The following ZFAND3 variants were observed in gnomAD, a reference collection of about 807,000 sequenced individuals.
ZFAND3 encodes the protein zinc finger AN1-type containing 3, also known as AN1-type zinc finger protein 3.
Under a neutral mutation model 29.6 loss-of-function variants are expected in ZFAND3, and 10 were observed. The observed-to-expected ratio is 0.34, with a 90% CI of 0.21 to 0.57. ZFAND3 has a LOEUF of 0.57. ZFAND3 is among the 20% of genes least tolerant of loss of function. The pLI is 0.86. For missense variants in ZFAND3, 230 were observed against 304.5 expected (o/e 0.76, Z 1.82); for synonymous variants, 128 against 112.6 (o/e 1.14, Z -0.87).
At chr6:38,077,961 A>G (rs1289122652) in intron 3 of ZFAND3, among the ~76,000 whole-genome samples, 4 of 152,184 alleles carry the variant, frequency 2.6e-5, no homozygotes, top group South Asian at 2.1e-4. Context: ...CTGGAAAAAT[A>G]TAAGAATTCT....
intron 2 of ZFAND3, among the ~76,000 whole-genome samples, chr6:37,988,879 A>G (rs1175395484): frequency 1.3e-5 from 2 of 151,534 alleles, no homozygotes; most frequent in Non-Finnish European, 2.9e-5. Context: ...TTAAGGGTCT[A>G]GTTTTATTCA....
At chr6:38,116,545 G>A in intron 4 of ZFAND3, 27 bp from the exon 5 acceptor site, 1 of 1,590,982 alleles carries the variant, frequency 6.3e-7, no homozygotes, top group Non-Finnish European at 8.6e-7. Context: ...CACTAATCCT[G>A]ATCCCCAAAT....
chr6:38,125,472 G>A (rs1241562314), intron 5 of ZFAND3, among the ~76,000 whole-genome samples: 1 of 152,166 alleles, frequency 6.6e-6, no homozygotes, highest in East Asian at 1.9e-4. Flanking sequence ...GAGTATCAAA[G>A]ACTGAGCTCT....
At chr6:37,871,544 T>A (rs1337111294) in intron 1 of ZFAND3, among the ~76,000 whole-genome samples, 2 of 152,192 alleles carry the variant, frequency 1.3e-5, no homozygotes, top group African/African-American at 2.4e-5. Context: ...TTGGCAGAAT[T>A]TACATAAGGT....
At position 38,100,063 on chromosome 6, in the gene ZFAND3, T is replaced by C. The variant is rs538554273; in HGVS notation, c.362-16509T>C. ...CTGTTGATAAACCTATTTCTTTTTT[T>C]CTTTTTTTTTTTAAGACGGAGTCTC... On this transcript the variant is annotated intron_variant, in intron 4 of 5. Coordinates refer to ENST00000287218, the MANE Select transcript of ZFAND3 (RefSeq NM_021943.3). 3.9e-5 allele frequency among the ~76,000 whole-genome samples: 6 copies of C among 152,196 alleles called. No homozygotes were observed. In the South Asian group the frequency reaches 1.0e-3, roughly 26 times the overall value.
At chr6:38,081,054 T>C (rs906145520) in intron 3 of ZFAND3, among the ~76,000 whole-genome samples, 1 of 152,204 alleles carries the variant, frequency 6.6e-6, no homozygotes, top group Non-Finnish European at 1.5e-5. Flanking sequence ...CCTCATTACA[T>C]ATAGCCTTTA....
intron 1 of ZFAND3, among the ~76,000 whole-genome samples, chr6:37,855,275 G>C (rs1764361565): frequency 6.6e-6 from 1 of 150,792 alleles, no homozygotes; most frequent in African/African-American, 2.4e-5. Flanking sequence ...CTCCCGAGTA[G>C]CTGGGATGAC....
intron 2 of ZFAND3, among the ~76,000 whole-genome samples, chr6:37,999,818 A>C (rs1024268746): frequency 4.6e-5 from 7 of 152,156 alleles, no homozygotes; most frequent in African/African-American, 1.7e-4. Flanking sequence ...AACTAAGGAA[A>C]TCTGAGCAAG....
chr6:38,056,563 G>C (rs1445385694), intron 2 of ZFAND3, among the ~76,000 whole-genome samples: 2 of 152,132 alleles, frequency 1.3e-5, no homozygotes, highest in Non-Finnish European at 2.9e-5. Context: ...TAGTTCTAGA[G>C]AGACTGCCCA....
chr6:38,056,048 T>C (rs940101975), intron 2 of ZFAND3, among the ~76,000 whole-genome samples: 20 of 152,214 alleles, frequency 1.3e-4, no homozygotes, highest in African/African-American at 4.6e-4. Flanking sequence ...GCTGTGCCAA[T>C]AGAATTTGAT....
chr6:38,010,528 T>C (rs1763130687), intron 2 of ZFAND3, among the ~76,000 whole-genome samples: 1 of 152,156 alleles, frequency 6.6e-6, no homozygotes, highest in Non-Finnish European at 1.5e-5. Flanking sequence ...TGTTAAGTCT[T>C]TTCATGCCCT....
At chr6:37,887,791 A>G (rs1332522258) in intron 1 of ZFAND3, among the ~76,000 whole-genome samples, 1 of 152,202 alleles carries the variant, frequency 6.6e-6, no homozygotes, top group Non-Finnish European at 1.5e-5. Context: ...TTTCTGGCCA[A>G]GTTCTCTTAG....
chr6:38,075,553 C>T (rs191916230), intron 3 of ZFAND3, among the ~76,000 whole-genome samples: 13 of 152,272 alleles, frequency 8.5e-5, no homozygotes, highest in Non-Finnish European at 1.6e-4. Flanking sequence ...GAATCTACTC[C>T]TGGTGAAGAT....
chr6:37,931,097 G>T (rs1336231640), intron 2 of ZFAND3, among the ~76,000 whole-genome samples: 2 of 152,174 alleles, frequency 1.3e-5, no homozygotes, highest in African/African-American at 4.8e-5. Context: ...TGTGACTGGG[G>T]AATAGATACC....
chr6:38,029,261 C>A (rs1337763784), intron 2 of ZFAND3, among the ~76,000 whole-genome samples: 1 of 152,032 alleles, frequency 6.6e-6, no homozygotes, highest in Non-Finnish European at 1.5e-5. Flanking sequence ...GGTGGGTGGC[C>A]CTTCTTTCTG....
intron 1 of ZFAND3, among the ~76,000 whole-genome samples, chr6:37,892,617 G>A (rs568581907): frequency 5.9e-5 from 9 of 152,226 alleles, no homozygotes; most frequent in Admixed American, 2.0e-4. Context: ...AAAGATTAGA[G>A]CAGAAATTAA....
intron 2 of ZFAND3, among the ~76,000 whole-genome samples, chr6:38,017,966 T>A (rs559525792): frequency 6.6e-6 from 1 of 152,234 alleles, no homozygotes; most frequent in African/African-American, 2.4e-5. Flanking sequence ...AAACTACTTA[T>A]AATTTGCCCT....
intron 3 of ZFAND3, among the ~76,000 whole-genome samples, chr6:38,076,199 A>AT (rs11408862): frequency 0.37 from 56,139 of 151,640 alleles, 11,183 homozygotes; most frequent in East Asian, 0.58. Context: ...GATCATTAGC[A>AT]TTTTTTTTAG....
At chr6:38,023,202 C>T (rs905392405) in intron 2 of ZFAND3, among the ~76,000 whole-genome samples, 1 of 152,164 alleles carries the variant, frequency 6.6e-6, no homozygotes, top group Non-Finnish European at 1.5e-5. Context: ...GGGTTTTATC[C>T]TTCCGATAGG....
Sources: gnomAD v4.1 joint callset for allele counts (sites outside exome capture counted in the v4.1 genomes callset) on GRCh38, gnomAD v4.1.1 for gene constraint, MANE v1.5 for transcripts, NCBI Gene and HGNC (gene_info 2026-07-23, HGNC 2026-07-21) for gene names.